Variants in ANOS1 observed in about 807,000 individuals in gnomAD.
ANOS1 encodes the protein anosmin-1.
A neutral mutation model predicts 59.0 loss-of-function variants in ANOS1; 6 were observed. That is an observed-to-expected ratio of 0.10 (90% CI 0.06 to 0.20). The LOEUF (loss-of-function observed/expected upper bound fraction) is 0.20, where lower values mean the gene tolerates loss of function less well. Ranked by LOEUF, ANOS1 falls within the 10% of genes least tolerant of loss-of-function variation. The pLI is 1.00. For missense variants in ANOS1, 433 were observed against 542.3 expected (o/e 0.80, Z 2.00); for synonymous variants, 217 against 223.4 (o/e 0.97, Z 0.25).
intron 2 of ANOS1, among the ~76,000 whole-genome samples, chrX:8,642,964 A>G (rs1199020416): frequency 8.9e-6 from 1 of 112,585 alleles, no homozygotes; most frequent in African/African-American, 3.2e-5. Flanking sequence ...AAGAACTTTC[A>G]ATGCCTCCTC....
intron 9 of ANOS1, among the ~76,000 whole-genome samples, chrX:8,541,427 AAAAAACAAAAAAATAAAAC>A (rs1286192090): frequency 1.0e-5 from 1 of 98,031 alleles, no homozygotes; most frequent in Non-Finnish European, 2.1e-5. Flanking sequence ...CCCAAAAACA[AAAAAACAAAAAAATAAAAC>A]AAAAAAAAAA....
At chrX:8,665,305 G>A (rs1178339568) in intron 2 of ANOS1, among the ~76,000 whole-genome samples, 1 of 112,449 alleles carries the variant, frequency 8.9e-6, no homozygotes, top group Non-Finnish European at 1.9e-5. Context: ...AAAACAGAAA[G>A]TAAATTACTA....
chrX:8,725,567 TATACATATATACAG>T (rs1932906090), intron 1 of ANOS1, among the ~76,000 whole-genome samples: 2 of 70,856 alleles, frequency 2.8e-5, no homozygotes, highest in Non-Finnish European at 5.2e-5. Flanking sequence ...TATATACAGA[TATACATATATACAG>T]ATATATATAT....
At chrX:8,664,401 G>T (rs1387206222) in intron 2 of ANOS1, among the ~76,000 whole-genome samples, 1 of 110,249 alleles carries the variant, frequency 9.1e-6, no homozygotes, top group Non-Finnish European at 1.9e-5. Context: ...CACCATGTTA[G>T]CCAGGATGGT....
intron 2 of ANOS1, among the ~76,000 whole-genome samples, chrX:8,678,708 C>T (rs1416396408): frequency 1.8e-5 from 2 of 111,716 alleles, no homozygotes; most frequent in African/African-American, 6.5e-5. Flanking sequence ...GCCCCTAGAC[C>T]AACCTGTGTA....
At chrX:8,534,577 T>A in intron 12 of ANOS1, 117 bp from the exon 13 acceptor site, 1 of 730,472 alleles carries the variant, frequency 1.4e-6, no homozygotes, top group South Asian at 2.3e-5. Flanking sequence ...ACAGGCAAGT[T>A]TGGTTGCTTT....
intron 2 of ANOS1, among the ~76,000 whole-genome samples, chrX:8,649,549 C>T (rs969679378): frequency 8.9e-6 from 1 of 112,058 alleles, no homozygotes; most frequent in Admixed American, 9.5e-5. Flanking sequence ...CCTTATTATC[C>T]TCTTATATCA....
intron 2 of ANOS1, among the ~76,000 whole-genome samples, chrX:8,687,943 C>T (rs1321841429): frequency 8.9e-6 from 1 of 112,028 alleles, no homozygotes; most frequent in East Asian, 2.8e-4. Context: ...TTCAGAAACA[C>T]AGAGAAATGA....
In ANOS1 at chrX:8,699,705, C is replaced by T. The variant is rs1932734615; in HGVS notation, c.248G>A (p.Cys83Tyr). ...CAGGTATAGGAAACGTACCTTAGAA[C>T]ATTGCTTGTGATTCTGGCACCAAAC... ...SLVWCQNHKQ[C>Y]SKCLEPCKES... The change falls in exon 2 of 14, where the codon TGT (cysteine) becomes TAT (tyrosine). Residue 83 changes from cysteine (C) to tyrosine (Y), a missense_variant. Coordinates refer to ENST00000262648, the MANE Select transcript of ANOS1 (RefSeq NM_000216.4). 1 of 1,198,437 alleles carries T rather than the reference C, an allele frequency of 8.3e-7. No individual in the cohort carries two copies. The highest frequency in any genetic ancestry group is 1.1e-6 in the Non-Finnish European group (1 of 886,235).
rs760910756 is a variant in ANOS1, at chrX:8,725,711, G to GAT, written c.207+6117_207+6118dup. ...ATATATATACAGATATATATATACA[G>GAT]ATATATATATATACAGATATATATA... On this transcript the variant is annotated intron_variant, in intron 1 of 13. Transcript: ENST00000262648. 2.0e-4 allele frequency among the ~76,000 whole-genome samples: 8 copies of GAT among 40,343 alleles called. No individual in the cohort carries two copies. In the South Asian group the frequency reaches 2.3e-3, roughly 12 times the overall value. The allele number at this position is 40,343 out of a possible 115,157, so 35.0% of individuals were successfully genotyped here.
chrX:8,584,457 G>C (rs1264740639), intron 6 of ANOS1, among the ~76,000 whole-genome samples: 1 of 111,393 alleles, frequency 9.0e-6, no homozygotes, highest in Non-Finnish European at 1.9e-5. Flanking sequence ...TTAAATGTAA[G>C]GTTACAGTAT....
intron 3 of ANOS1, among the ~76,000 whole-genome samples, chrX:8,622,381 A>T (rs754729662): frequency 1.7e-4 from 19 of 112,010 alleles, no homozygotes; most frequent in Non-Finnish European, 2.3e-4. Context: ...TGAAGCCATT[A>T]TTGTCCTAAT....
intron 1 of ANOS1, among the ~76,000 whole-genome samples, chrX:8,729,719 A>T (rs1569093509): frequency 2.5e-5 from 1 of 39,405 alleles, no homozygotes; most frequent in Non-Finnish European, 4.8e-5. Context: ...TATTAAAAAA[A>T]AAAAAAAAAA....
At position 8,585,407 on chromosome X, in the gene ANOS1, A is replaced by G; in HGVS notation, c.727-11T>C. The G allele has an allele frequency of 8.3e-7, 1 of 1,210,746 alleles. No homozygotes were observed. The highest frequency in any genetic ancestry group is 1.1e-6 in the Non-Finnish European group (1 of 894,554). On this transcript the variant is annotated splice_polypyrimidine_tract_variant and intron_variant, in intron 5 of 13. Transcript: ENST00000262648. ...TCGCTCGTCTGTGGTCTGAGGGGAC[A>G]TGTCACAGAGCACAGGGAACATGTC...
intron 2 of ANOS1, among the ~76,000 whole-genome samples, chrX:8,628,780 T>C (rs1395074083): frequency 8.9e-6 from 1 of 112,513 alleles, no homozygotes; most frequent in Non-Finnish European, 1.9e-5. Flanking sequence ...AGAAACACTT[T>C]AAATTTCAAA....
chrX:8,572,495 T>C (rs1337944424), intron 6 of ANOS1, among the ~76,000 whole-genome samples: 1 of 112,435 alleles, frequency 8.9e-6, no homozygotes, highest in Non-Finnish European at 1.9e-5. Context: ...TAGTATTCCA[T>C]GGTGGATATG....
At chrX:8,704,967 T>G (rs753782152) in intron 1 of ANOS1, among the ~76,000 whole-genome samples, 2 of 111,804 alleles carry the variant, frequency 1.8e-5, no homozygotes, top group South Asian at 7.6e-4. Flanking sequence ...TAAGATACAG[T>G]ATTTTAGCAA....
chrX:8,585,244 C>T, intron 6 of ANOS1, 23 bp downstream of exon 6: 1 of 1,206,670 alleles, frequency 8.3e-7, no homozygotes, highest in Non-Finnish European at 1.1e-6. Context: ...TATTCTGTGT[C>T]TGGGAAGAAA....
chrX:8,554,542 G>GTTTTGTTTTTTTTT (rs1929911767), intron 8 of ANOS1, among the ~76,000 whole-genome samples: 2 of 50,826 alleles, frequency 3.9e-5, no homozygotes, highest in Admixed American at 3.2e-4. Context: ...GGCTACAGGA[G>GTTTTGTTTTTTTTT]TTTTTTTTTT....
Sources: allele counts gnomAD v4.1 joint callset (sites outside exome capture counted in the v4.1 genomes callset), GRCh38; gene constraint gnomAD v4.1.1; transcripts MANE v1.5; gene names NCBI Gene and HGNC (gene_info 2026-07-23, HGNC 2026-07-21).